Variants in ZNF892 observed in about 807,000 individuals in gnomAD.
The protein encoded by ZNF892 is zinc finger protein 892.
the ZNF892 span, among the ~76,000 whole-genome samples, chr2:95,226,339 C>T: frequency 5.9e-5 from 9 of 152,168 alleles, no homozygotes; most frequent in African/African-American, 1.2e-4. Flanking sequence ...TGGTGAGGAT[C>T]GGTAGCTGAT....
chr2:95,213,896 C>T, the ZNF892 span, among the ~76,000 whole-genome samples: 1 of 152,102 alleles, frequency 6.6e-6, no homozygotes, highest in African/African-American at 2.4e-5. Context: ...GATGGTCATT[C>T]TTGAGGCATG....
At chr2:95,235,674 T>C in the ZNF892 span, among the ~76,000 whole-genome samples, 2 of 152,184 alleles carry the variant, frequency 1.3e-5, no homozygotes, top group Non-Finnish European at 2.9e-5. Flanking sequence ...GTAAACTTTC[T>C]CAGTGGCTCA....
the ZNF892 span, among the ~76,000 whole-genome samples, chr2:95,245,192 G>A: frequency 2.0e-5 from 3 of 150,206 alleles, no homozygotes; most frequent in African/African-American, 7.3e-5. Context: ...GAGGGAAACC[G>A]AAGGAGAAAG....
At chr2:95,254,760 C>A in the ZNF892 span, among the ~76,000 whole-genome samples, 1 of 152,098 alleles carries the variant, frequency 6.6e-6, no homozygotes. Context: ...AATTTCAGAG[C>A]CTGTTGTTGG....
chr2:95,259,972 C>T, the ZNF892 span, among the ~76,000 whole-genome samples: 1 of 152,184 alleles, frequency 6.6e-6, no homozygotes, highest in Non-Finnish European at 1.5e-5. Flanking sequence ...AGGGAGGAGC[C>T]GCACTTAACC....
the ZNF892 span, among the ~76,000 whole-genome samples, chr2:95,243,914 G>C: frequency 6.6e-6 from 1 of 152,210 alleles, no homozygotes; most frequent in Non-Finnish European, 1.5e-5. Flanking sequence ...GGGAAGGTGG[G>C]GAAAAGATTG....
At chr2:95,240,386 C>T in the ZNF892 span, among the ~76,000 whole-genome samples, 10 of 152,318 alleles carry the variant, frequency 6.6e-5, no homozygotes, top group East Asian at 5.8e-4. Flanking sequence ...CCAAGGGAAG[C>T]GGTGAGTAAT....
the ZNF892 span, among the ~76,000 whole-genome samples, chr2:95,229,517 A>T: frequency 2.2e-3 from 334 of 151,912 alleles, 1 homozygote; most frequent in Non-Finnish European, 5.4e-4. Context: ...TATCTCCTCT[A>T]CTAGTTTTAT....
chr2:95,252,703 C>T, the ZNF892 span, among the ~76,000 whole-genome samples: 1 of 152,212 alleles, frequency 6.6e-6, no homozygotes, highest in African/African-American at 2.4e-5. Context: ...GCCCCACCAA[C>T]AGTGTGAAAG....
At chr2:95,221,846 A>G in the ZNF892 span, among the ~76,000 whole-genome samples, 2 of 152,246 alleles carry the variant, frequency 1.3e-5, no homozygotes, top group East Asian at 3.9e-4. Context: ...GGTGTTTGCT[A>G]TGTTTGACGA....
At chr2:95,223,872 C>T in the ZNF892 span, among the ~76,000 whole-genome samples, 2 of 152,162 alleles carry the variant, frequency 1.3e-5, no homozygotes, top group African/African-American at 4.8e-5. Context: ...TGTGTACCCT[C>T]GAAATTCATA....
the ZNF892 span, among the ~76,000 whole-genome samples, chr2:95,245,540 A>G: frequency 2.1e-5 from 3 of 144,966 alleles, no homozygotes; most frequent in African/African-American, 7.6e-5. Flanking sequence ...AAGTGCTGGG[A>G]TTACAGGCAT....
At chr2:95,214,325 G>A in the ZNF892 span, 3 of 398,210 alleles carry the variant, frequency 7.5e-6, no homozygotes, top group African/African-American at 6.2e-5. Context: ...GTGTGTTTTT[G>A]CTTATTTCAG....
the ZNF892 span, among the ~76,000 whole-genome samples, chr2:95,230,706 TC>T: frequency 4.7e-3 from 723 of 152,326 alleles, 6 homozygotes; most frequent in Middle Eastern, 0.024. Flanking sequence ...CTTTGTTCTT[TC>T]CTTGCACCAA....
the ZNF892 span, among the ~76,000 whole-genome samples, chr2:95,251,087 C>A: frequency 3.3e-5 from 5 of 151,524 alleles, no homozygotes; most frequent in South Asian, 8.3e-4. Flanking sequence ...TAAGCCAGTT[C>A]AGTAGAGCTC....
At chr2:95,250,739 A>G in the ZNF892 span, among the ~76,000 whole-genome samples, 2 of 144,958 alleles carry the variant, frequency 1.4e-5, no homozygotes, top group African/African-American at 4.9e-5. Flanking sequence ...AAATTTATCA[A>G]TATAAAATAT....
the ZNF892 span, among the ~76,000 whole-genome samples, chr2:95,221,450 A>ATT: frequency 6.6e-6 from 1 of 151,688 alleles, no homozygotes; most frequent in South Asian, 2.1e-4. Context: ...CAATTTCGTG[A>ATT]TTTTTTTCTC....
chr2:95,214,896 C>A, the ZNF892 span: 1 of 498,012 alleles, frequency 2.0e-6, no homozygotes, highest in Non-Finnish European at 3.6e-6. Flanking sequence ...AGCCTTCAGT[C>A]ACCGCTCAGC....
the ZNF892 span, among the ~76,000 whole-genome samples, chr2:95,246,869 A>G: frequency 1.3e-5 from 2 of 152,340 alleles, no homozygotes; most frequent in South Asian, 4.1e-4. Context: ...ACACAGACAA[A>G]TGGAAAAACA....
Sources: gnomAD v4.1 joint callset for allele counts (sites outside exome capture counted in the v4.1 genomes callset) on GRCh38, gnomAD v4.1.1 for gene constraint, MANE v1.5 for transcripts, NCBI Gene and HGNC (gene_info 2026-07-23, HGNC 2026-07-21) for gene names.